FAM174B: variants seen among roughly 807,000 people sequenced by gnomAD.
FAM174B encodes the protein membrane protein FAM174B.
A neutral mutation model predicts 10.9 loss-of-function variants in FAM174B; 12 were observed. That is an observed-to-expected ratio of 1.10 (90% CI 0.71 to 1.79). FAM174B has a LOEUF of 1.79. Among genes scored for constraint, FAM174B ranks in the 40% most tolerant of loss-of-function variants. The probability of loss-of-function intolerance (pLI) is 0.00; values close to 1 mark genes in which losing one functional copy is unlikely to be tolerated. For missense variants in FAM174B, 266 were observed against 233.3 expected (o/e 1.14, Z -0.91); for synonymous variants, 132 against 115.8 (o/e 1.14, Z -0.90).
In FAM174B at chr15:92,642,064, A is replaced by G. The variant is rs1465304104; in HGVS notation, c.345-11719T>C. Among the ~76,000 whole-genome samples, 3 of 152,258 alleles carry G rather than the reference A, an allele frequency of 2.0e-5. No individual in the cohort carries two copies. The East Asian group carries it at 5.8e-4, about 29-fold the overall frequency. Reference sequence around the variant, plus strand: ...AAATGCACAATACACGAAGGCAAACAAGGTCAACATGACTAGCCATCAATG... The same window carrying G: ...AAATGCACAATACACGAAGGCAAACGAGGTCAACATGACTAGCCATCAATG... On this transcript the variant is annotated intron_variant, in intron 1 of 2. Transcript: ENST00000327355.
At chr15:92,622,324 AC>A (rs2050725093) in intron 2 of FAM174B, among the ~76,000 whole-genome samples, 1 of 152,166 alleles carries the variant, frequency 6.6e-6, no homozygotes, top group South Asian at 2.1e-4. Flanking sequence ...GGAGAAGTCC[AC>A]CCGCACACAC....
At chr15:92,655,151 C>G in intron 1 of FAM174B, 165 bp downstream of exon 1, 3 of 969,794 alleles carry the variant, frequency 3.1e-6, no homozygotes, top group Non-Finnish European at 4.2e-6. Flanking sequence ...CAGACGAGCA[C>G]ACCCCGGCCC....
In FAM174B at chr15:92,618,839, T is replaced by TAAA. The variant is rs1196213665; in HGVS notation, c.*616_*617insTTT. 5.1e-5 allele frequency: 7 copies of TAAA among 136,662 alleles called. No individual in the cohort carries two copies. In the East Asian group the frequency reaches 6.0e-4, roughly 12 times the overall value. 8.5% of individuals were successfully genotyped at this position (136,662 alleles called of 1,614,324 possible). On this transcript the variant is annotated 3_prime_UTR_variant, in exon 3 of 3. Coordinates refer to ENST00000327355, the MANE Select transcript of FAM174B (RefSeq NM_207446.3). ...GATTTCTGCTGAACCTTTTTTTTTTTTAAAAAAAAAAAAAAAGGAAGAAAG... is the reference window on the plus strand; with the variant it reads ...GATTTCTGCTGAACCTTTTTTTTTTTAAATAAAAAAAAAAAAAAAGGAAGAAAG...
intron 1 of FAM174B, among the ~76,000 whole-genome samples, chr15:92,642,480 A>C (rs1005060620): frequency 6.6e-6 from 1 of 152,124 alleles, no homozygotes; most frequent in African/African-American, 2.4e-5. Context: ...CATAATCCCC[A>C]TGTGTTGTGA....
At chr15:92,651,290 C>T (rs2050964703) in intron 1 of FAM174B, among the ~76,000 whole-genome samples, 1 of 152,144 alleles carries the variant, frequency 6.6e-6, no homozygotes, top group Non-Finnish European at 1.5e-5. Flanking sequence ...CCCAGGTGTA[C>T]ACCCCAGATG....
chr15:92,634,084 A>C (rs1172198115), intron 1 of FAM174B, among the ~76,000 whole-genome samples: 2 of 152,238 alleles, frequency 1.3e-5, no homozygotes, highest in African/African-American at 4.8e-5. Flanking sequence ...TGGCTTCTGC[A>C]AAGGGACAAG....
intron 1 of FAM174B, among the ~76,000 whole-genome samples, chr15:92,632,715 T>G (rs932001472): frequency 2.0e-5 from 3 of 150,758 alleles, no homozygotes; most frequent in African/African-American, 7.3e-5. Flanking sequence ...AGAGACGAGG[T>G]CTTGTTATGT....
intron 1 of FAM174B, among the ~76,000 whole-genome samples, chr15:92,638,268 C>A (rs938877753): frequency 6.6e-6 from 1 of 152,302 alleles, no homozygotes; most frequent in South Asian, 2.1e-4. Flanking sequence ...TCCATCCGAA[C>A]CAAAACTCAT....
chr15:92,651,532 T>C (rs1444033520), intron 1 of FAM174B, among the ~76,000 whole-genome samples: 1 of 152,262 alleles, frequency 6.6e-6, no homozygotes, highest in East Asian at 1.9e-4. Flanking sequence ...TTTATTTAAA[T>C]GAGCTAATAC....
chr15:92,652,783 G>T (rs1026411015), intron 1 of FAM174B, among the ~76,000 whole-genome samples: 3 of 152,178 alleles, frequency 2.0e-5, no homozygotes, highest in Admixed American at 1.3e-4. Context: ...CCAGGACTCG[G>T]TGCCCGCAGG....
chr15:92,647,770 T>C (rs2050938181), intron 1 of FAM174B, among the ~76,000 whole-genome samples: 1 of 152,202 alleles, frequency 6.6e-6, no homozygotes, highest in South Asian at 2.1e-4. Context: ...AGCCATCTTT[T>C]GTGGGAAAAT....
chr15:92,640,478 T>C (rs1024833508), intron 1 of FAM174B, among the ~76,000 whole-genome samples: 5 of 129,252 alleles, frequency 3.9e-5, no homozygotes, highest in Non-Finnish European at 7.8e-5. Flanking sequence ...CTTGAGCCCA[T>C]GAGACATAGG....
chr15:92,651,936 G>A (rs1185107032), intron 1 of FAM174B, among the ~76,000 whole-genome samples: 1 of 152,162 alleles, frequency 6.6e-6, no homozygotes, highest in Non-Finnish European at 1.5e-5. Flanking sequence ...CTCCTTCAGA[G>A]AAAACAGAGA....
intron 1 of FAM174B, among the ~76,000 whole-genome samples, chr15:92,646,351 T>C (rs1280726593): frequency 6.6e-6 from 1 of 152,066 alleles, no homozygotes; most frequent in African/African-American, 2.4e-5. Context: ...ATGGGAAGGG[T>C]GAGGCGGACT....
intron 2 of FAM174B, among the ~76,000 whole-genome samples, chr15:92,624,749 A>G (rs2050742246): frequency 6.6e-6 from 1 of 152,356 alleles, no homozygotes; most frequent in African/African-American, 2.4e-5. Flanking sequence ...CTTTCCACAC[A>G]TAAGAAGCCG....
rs1185895499 is a variant in FAM174B, at chr15:92,619,127, A to T, written c.*329T>A. 1 of 678,114 alleles carries T rather than the reference A, an allele frequency of 1.5e-6. No homozygotes were observed. The highest frequency in any genetic ancestry group is 1.6e-5 in the South Asian group (1 of 63,560). 42.0% of individuals were successfully genotyped at this position (678,114 alleles called of 1,614,324 possible). On this transcript the variant is annotated 3_prime_UTR_variant, in exon 3 of 3. Coordinates refer to ENST00000327355, the MANE Select transcript of FAM174B (RefSeq NM_207446.3). Reference sequence around the variant, plus strand: ...TTTTACTATTGTCAACAATTGTCTTAAAAAAACTTCTTTAAAATCAACATG... The same window carrying T: ...TTTTACTATTGTCAACAATTGTCTTTAAAAAACTTCTTTAAAATCAACATG...
intron 2 of FAM174B, among the ~76,000 whole-genome samples, chr15:92,624,569 C>T (rs976041993): frequency 3.3e-5 from 5 of 152,252 alleles, no homozygotes; most frequent in Admixed American, 2.6e-4. Flanking sequence ...ATGCTGCAAA[C>T]TGCACAAAAA....
At position 92,630,203 on chromosome 15, in the gene FAM174B, C is replaced by A; in HGVS notation, c.476+11G>T. On this transcript the variant is annotated intron_variant, in intron 2 of 2. Coordinates refer to ENST00000327355, the MANE Select transcript of FAM174B (RefSeq NM_207446.3). ...CAAGCCCAGGAGGAAGCCTCTGTCT[C>A]CACCCTGTACCTGTATTTGATGTCG... 6.2e-7 allele frequency: 1 copy of A among 1,613,092 alleles called. No individual in the cohort carries two copies. The highest frequency in any genetic ancestry group is 1.3e-5 in the African/African-American group (1 of 75,022).
intron 2 of FAM174B, among the ~76,000 whole-genome samples, chr15:92,628,904 C>A (rs1477576398): frequency 6.6e-6 from 1 of 152,022 alleles, no homozygotes; most frequent in Non-Finnish European, 1.5e-5. Flanking sequence ...TTTTAAAGTA[C>A]TGAAAAACAT....
Sources: gnomAD v4.1 joint callset for allele counts (sites outside exome capture counted in the v4.1 genomes callset) on GRCh38, gnomAD v4.1.1 for gene constraint, MANE v1.5 for transcripts, NCBI Gene and HGNC (gene_info 2026-07-23, HGNC 2026-07-21) for gene names.